SFMBT2: variants seen among roughly 807,000 people sequenced by gnomAD.
SFMBT2 encodes the protein scm-like with four MBT domains protein 2.
In SFMBT2, 38 loss-of-function variants were observed where a neutral mutation model predicts 110.1. The ratio of observed to expected loss-of-function variants is 0.35; its 90% CI spans 0.27 to 0.45. SFMBT2 has a LOEUF of 0.45. Among genes scored for constraint, SFMBT2 ranks in the 20% least tolerant of loss-of-function variants. The pLI is 1.00. For missense variants in SFMBT2, 1,011 were observed against 1,094.9 expected (o/e 0.92, Z 1.08); for synonymous variants, 425 against 425.4 (o/e 1.00, Z 0.01).
Position 7,321,879 on chromosome 10 carries a change from A to AT in SFMBT2, c.437-35926dup, listed in dbSNP as rs374069162. Among the ~76,000 whole-genome samples, 1,027 of 152,346 alleles carry AT rather than the reference A, an allele frequency of 6.7e-3. 6 individuals are homozygous for AT. The highest frequency in any genetic ancestry group is 0.022 in the African/African-American group (935 of 41,574). Reference sequence around the variant, plus strand: ...TTAGAAAATGCAAACTGAAATCATAATAATTTCAATTCCTCCATTAATAAG... The same window carrying AT: ...TTAGAAAATGCAAACTGAAATCATAATTAATTTCAATTCCTCCATTAATAAG... On this transcript the variant is annotated intron_variant, in intron 4 of 20. Coordinates refer to ENST00000397167, the MANE Select transcript of SFMBT2 (RefSeq NM_001387889.1).
intron 7 of SFMBT2, among the ~76,000 whole-genome samples, chr10:7,271,470 G>T (rs1841580602): frequency 6.6e-6 from 1 of 152,034 alleles, no homozygotes; most frequent in Non-Finnish European, 1.5e-5. Flanking sequence ...GCAAAAAGAG[G>T]CCGGTATTAT....
chr10:7,244,113 A>G, intron 8 of SFMBT2: 2 of 588,342 alleles, frequency 3.4e-6, no homozygotes, highest in Non-Finnish European at 4.3e-6. Context: ...TTTACACCAG[A>G]TCACTCAAGA....
chr10:7,172,243 C>T lies in SFMBT2; in HGVS notation c.2152-85G>A. ...CCGCGGTCAGACCCTGGGCCCAGTGCAGACCACCTAGCAAACCCTCGGAAA... is the reference window on the plus strand; with the variant it reads ...CCGCGGTCAGACCCTGGGCCCAGTGTAGACCACCTAGCAAACCCTCGGAAA... On this transcript the variant is annotated intron_variant, in intron 18 of 20. Transcript: ENST00000397167. This position sits in a 1 kb window ranked among gnomAD's most constrained non-coding sequence, Gnocchi z 4.6. The T allele has an allele frequency of 6.7e-7, 1 of 1,485,872 alleles. No individual in the cohort carries two copies. The highest frequency in any genetic ancestry group is 8.9e-7 in the Non-Finnish European group (1 of 1,120,172). The allele number at this position is 1,485,872 out of a possible 1,614,324, so 92.0% of individuals were successfully genotyped here. A position where few individuals can be genotyped will look rare whatever the true frequency, so the allele number is the denominator to read the frequency against.
At chr10:7,268,121 C>T (rs1345275068) in intron 7 of SFMBT2, among the ~76,000 whole-genome samples, 2 of 152,166 alleles carry the variant, frequency 1.3e-5, no homozygotes, top group Non-Finnish European at 2.9e-5. Context: ...TATGGAGGCT[C>T]GTAAATGTCA....
intron 4 of SFMBT2, among the ~76,000 whole-genome samples, chr10:7,292,787 C>A (rs1440152994): frequency 6.6e-6 from 1 of 152,078 alleles, no homozygotes; most frequent in Non-Finnish European, 1.5e-5. Flanking sequence ...GAGGCTGAGG[C>A]GGGCGGATCA....
At position 7,232,707 on chromosome 10, in the gene SFMBT2, T is replaced by G. The variant is rs145390625; in HGVS notation, c.1121-4770A>C. 2.6e-5 allele frequency among the ~76,000 whole-genome samples: 4 copies of G among 152,364 alleles called. No individual in the cohort carries two copies. In the East Asian group the frequency reaches 7.7e-4, roughly 29 times the overall value. On this transcript the variant is annotated intron_variant, in intron 9 of 20. Coordinates refer to ENST00000397167, the MANE Select transcript of SFMBT2 (RefSeq NM_001387889.1). ...GTTGGGTGGTGGGACTCTTGGCTAC[T>G]TTCTTCTTTGACCTCTTTGTATTTT... is the stretch of plus-strand genomic sequence containing the variant.
intron 15 of SFMBT2, chr10:7,189,293 T>C (rs1331830938): frequency 1.8e-6 from 1 of 546,320 alleles, no homozygotes; most frequent in Non-Finnish European, 2.3e-6. Context: ...TAAAAGAGAG[T>C]CTGGAATATC....
At chr10:7,395,532 C>T (rs1390137883) in intron 1 of SFMBT2, among the ~76,000 whole-genome samples, 4 of 152,178 alleles carry the variant, frequency 2.6e-5, no homozygotes, top group African/African-American at 7.2e-5. Flanking sequence ...TCCTCATCTC[C>T]GTTTTCTCTT....
At chr10:7,231,236 G>A (rs962378410) in intron 9 of SFMBT2, among the ~76,000 whole-genome samples, 3 of 152,202 alleles carry the variant, frequency 2.0e-5, no homozygotes, top group Non-Finnish European at 4.4e-5. Flanking sequence ...TTTGGAAGAC[G>A]GACTTTGTTA....
At chr10:7,277,138 C>G (rs924790081) in intron 6 of SFMBT2, 149 bp from the exon 7 acceptor site, 7 of 585,824 alleles carry the variant, frequency 1.2e-5, no homozygotes, top group Non-Finnish European at 1.5e-5. Context: ...CATGAGCAGC[C>G]ACCTGCTGAA....
Position 7,159,054 on chromosome 10 carries a change from T to C in SFMBT2, c.*4716A>G, listed in dbSNP as rs995479795. ...AAATTTTTCATCCTAAGGTGATTTT[T>C]AGCCAACGATTGTCCTAGAATTTTC... On this transcript the variant is annotated 3_prime_UTR_variant, in exon 21 of 21. Coordinates refer to ENST00000397167, the MANE Select transcript of SFMBT2 (RefSeq NM_001387889.1). 1 of 152,214 alleles carries C rather than the reference T, an allele frequency of 6.6e-6. No individual in the cohort carries two copies. Among genetic ancestry groups the C allele is most frequent in the African/African-American group, 2.4e-5 (1 of 41,454 alleles). 9.4% of individuals were successfully genotyped at this position (152,214 alleles called of 1,614,324 possible).
At chr10:7,219,294 GA>G (rs1354909558) in intron 11 of SFMBT2, among the ~76,000 whole-genome samples, 1 of 152,162 alleles carries the variant, frequency 6.6e-6, no homozygotes, top group Non-Finnish European at 1.5e-5. Context: ...CATTCTACTT[GA>G]AAACCTACTA....
At chr10:7,391,906 G>A (rs547371106) in intron 1 of SFMBT2, among the ~76,000 whole-genome samples, 218 of 152,120 alleles carry the variant, frequency 1.4e-3, no homozygotes, top group Non-Finnish European at 2.5e-3. Flanking sequence ...GAAATGGTTG[G>A]ATAATTTTTA....
chr10:7,287,214 G>A (rs2131848871), intron 4 of SFMBT2: 1 of 151,452 alleles, frequency 6.6e-6, no homozygotes, highest in African/African-American at 2.4e-5. Context: ...CGAGTAGCTG[G>A]GACTACAGGC....
At chr10:7,338,505 C>T (rs1047651086) in intron 4 of SFMBT2, among the ~76,000 whole-genome samples, 3 of 152,122 alleles carry the variant, frequency 2.0e-5, no homozygotes, top group African/African-American at 4.8e-5. Flanking sequence ...AAAGAAAATG[C>T]TATTAAGAAA....
intron 16 of SFMBT2, among the ~76,000 whole-genome samples, chr10:7,183,977 T>C (rs1298310353): frequency 6.6e-6 from 1 of 152,162 alleles, no homozygotes; most frequent in African/African-American, 2.4e-5. Flanking sequence ...CTTTGGTCAG[T>C]TTAACCTTCA....
intron 12 of SFMBT2, chr10:7,202,810 T>C (rs1447130567): frequency 1.0e-6 from 1 of 985,290 alleles, no homozygotes; most frequent in Non-Finnish European, 1.2e-6. Context: ...GTACACCTGT[T>C]GTACCTCACA....
At chr10:7,211,018 G>T (rs1839331248) in intron 11 of SFMBT2, among the ~76,000 whole-genome samples, 2 of 152,116 alleles carry the variant, frequency 1.3e-5, no homozygotes, top group African/African-American at 4.8e-5. Context: ...AACCCTAAGA[G>T]ATACGGGGTG....
intron 4 of SFMBT2, among the ~76,000 whole-genome samples, chr10:7,292,836 T>C (rs548368089): frequency 5.3e-5 from 8 of 151,876 alleles, no homozygotes; most frequent in South Asian, 2.1e-4. Context: ...CTACTAAAAA[T>C]AGAAAAATTA....
Sources: allele counts gnomAD v4.1 joint callset (sites outside exome capture counted in the v4.1 genomes callset), GRCh38; gene constraint gnomAD v4.1.1; non-coding constraint Gnocchi (gnomAD v3.1); transcripts MANE v1.5; gene names NCBI Gene and HGNC (gene_info 2026-07-23, HGNC 2026-07-21).